Variants in PI16 observed in about 807,000 individuals in gnomAD.
PI16 encodes the protein PSP94-binding protein.
A neutral mutation model predicts 38.0 loss-of-function variants in PI16; 35 were observed. The ratio of observed to expected loss-of-function variants is 0.92; its 90% CI spans 0.70 to 1.22. PI16 has a LOEUF of 1.22. Ranked by LOEUF, PI16 falls within the 50% of genes most tolerant of loss-of-function variation. PI16 has a pLI of 0.00. For synonymous variants in PI16, 275 were observed against 252.9 expected (o/e 1.09, Z -0.83); for missense variants, 572 against 593.8 (o/e 0.96, Z 0.38).
At chr6:36,959,047 G>C (rs1763276065) in intron 1 of PI16, 98 bp from the exon 2 acceptor site, 1 of 1,060,164 alleles carries the variant, frequency 9.4e-7, no homozygotes, top group East Asian at 2.6e-5. Flanking sequence ...CTGCTAAGGA[G>C]GTGCCGGAAG....
intron 2 of PI16, among the ~76,000 whole-genome samples, chr6:36,959,786 T>C (rs755010907): frequency 6.6e-6 from 1 of 151,136 alleles, no homozygotes; most frequent in Non-Finnish European, 1.5e-5. Context: ...AAGGATCACT[T>C]CAGCCCAGGA....
chr6:36,950,305 T>C (rs1036550613), upstream of PI16, among the ~76,000 whole-genome samples: 26 of 152,356 alleles, frequency 1.7e-4, no homozygotes, highest in Admixed American at 1.5e-3. This position sits in a 1 kb window ranked among gnomAD's most constrained non-coding sequence, Gnocchi z 4.2. Flanking sequence ...TTTGTTCTTT[T>C]GTGTCTGGCT....
At chr6:36,952,945 C>A (rs1166757427), upstream of PI16, among the ~76,000 whole-genome samples, 1 of 152,108 alleles carries the variant, frequency 6.6e-6, no homozygotes, top group African/African-American at 2.4e-5. Context: ...GGATGACTTT[C>A]CATTTATTTG....
rs1472440437 is a variant in PI16 at position 36,960,650 on chromosome 6, CCT to C, written c.394-799_394-798del. ...CCCCTCCCTCTCCCTCCACCCCCCC[CCT>C]CCCTCTACCCCCACCCACTTGCTCC... On this transcript the variant is annotated intron_variant, in intron 2 of 6. Coordinates refer to ENST00000373674, the MANE Select transcript of PI16 (RefSeq NM_153370.3). Among the ~76,000 whole-genome samples, 29 of 144,966 alleles carry C rather than the reference CCT, an allele frequency of 2.0e-4. No homozygotes were observed. In the East Asian group the frequency reaches 2.8e-3, roughly 14 times the overall value.
chr6:36,958,368 A>T (rs948041044), intron 1 of PI16, among the ~76,000 whole-genome samples: 4 of 152,102 alleles, frequency 2.6e-5, no homozygotes, highest in African/African-American at 9.7e-5. Context: ...TCAGCCAGGG[A>T]CACAATCGCA....
rs770111668 is a variant in PI16 at position 36,959,231 on chromosome 6, C to T, written c.258C>T (p.Gly86=). 1.2e-6 allele frequency: 2 copies of T among 1,609,558 alleles called. No homozygotes were observed. Among genetic ancestry groups the T allele is most frequent in the African/African-American group, 1.3e-5 (1 of 75,018 alleles). ...ACAACAAGGAGCGCGGGCGCCGCGG[C>T]GAGAATCTGTTCGCCATCACAGACG... ...WGHNKERGRR[G]ENLFAITDEG... Residue 86 remains glycine (G), a synonymous_variant, in exon 2 of 7, where the codon GGC becomes GGT. Coordinates refer to ENST00000373674, the MANE Select transcript of PI16 (RefSeq NM_153370.3).
At chr6:36,954,571 C>T (rs1583229244), upstream of PI16, 11 of 808,654 alleles carry the variant, frequency 1.4e-5, no homozygotes, top group East Asian at 3.1e-4. Context: ...CCAAGGACTC[C>T]AAGGGGAGTG....
At chr6:36,954,579 G>A, upstream of PI16, 1 of 868,594 alleles carries the variant, frequency 1.2e-6, no homozygotes, top group South Asian at 1.9e-5. Flanking sequence ...TCCAAGGGGA[G>A]TGCACTTGAT....
intron 1 of PI16, among the ~76,000 whole-genome samples, chr6:36,955,911 T>C (rs951588819): frequency 2.6e-5 from 4 of 152,134 alleles, no homozygotes; most frequent in African/African-American, 7.2e-5. Context: ...TGAACTAGCT[T>C]GTCCCCTCCA....
intron 1 of PI16, among the ~76,000 whole-genome samples, chr6:36,949,113 TTC>T (rs912823422): frequency 4.1e-5 from 6 of 147,308 alleles, no homozygotes; most frequent in South Asian, 2.2e-4. Context: ...CTCTCCTCTC[TTC>T]TCTCTCTCTC....
In PI16 at chr6:36,948,856, G is replaced by A. The variant is rs555575933; in HGVS notation, c.-82+452G>A. On this transcript the variant is annotated intron_variant, in intron 1 of 7. Coordinates refer to the PI16 transcript ENST00000611814. ...GTCACCCGGGCTGGAGTGCAGTGGC[G>A]CGATCTCGGCTCACTGCAACCTCCG... Among the ~76,000 whole-genome samples, 984 of 150,956 alleles carry A rather than the reference G, an allele frequency of 6.5e-3. 7 individuals are homozygous for A. The highest frequency in any genetic ancestry group is 0.023 in the African/African-American group (944 of 41,092).
upstream of PI16, chr6:36,954,658 G>A (rs1763155413): frequency 2.7e-6 from 4 of 1,491,908 alleles, no homozygotes; most frequent in South Asian, 1.4e-5. Flanking sequence ...CCTCAAACAC[G>A]GCCCCCACTG....
rs1400742277 is a variant in PI16, at chr6:36,964,628, A to AG, written c.*264dup. ...TGAGTCCTGGGGGTGGGAGGATTTGAGGGAGCTCACTGCCTACCTGGCCTG... is the reference window on the plus strand; with the variant it reads ...TGAGTCCTGGGGGTGGGAGGATTTGAGGGGAGCTCACTGCCTACCTGGCCTG... On this transcript the variant is annotated 3_prime_UTR_variant, in exon 7 of 7. Transcript: ENST00000373674. 6.6e-6 allele frequency: 1 copy of AG among 152,476 alleles called. No individual in the cohort carries two copies. The highest frequency in any genetic ancestry group is 2.4e-5 in the African/African-American group (1 of 41,390). The allele number at this position is 152,476 out of a possible 1,614,324, so 9.4% of individuals were successfully genotyped here.
At chr6:36,953,577 T>TG (rs1763136456), upstream of PI16, among the ~76,000 whole-genome samples, 1 of 152,054 alleles carries the variant, frequency 6.6e-6, no homozygotes, top group South Asian at 2.1e-4. Flanking sequence ...TATTTTTACT[T>TG]GGAGACTCAG....
upstream of PI16, among the ~76,000 whole-genome samples, chr6:36,950,574 G>A (rs1035016276): frequency 6.0e-5 from 9 of 149,916 alleles, no homozygotes; most frequent in South Asian, 2.1e-4. The surrounding 1 kb of genome is among the most constrained non-coding windows in gnomAD (Gnocchi z 4.2). Context: ...ATGGAGTTTC[G>A]CTCTTGTCGC....
chr6:36,955,002 T>C, intron 1 of PI16, 71 bp downstream of exon 1: 3 of 1,521,256 alleles, frequency 2.0e-6, no homozygotes, highest in Non-Finnish European at 2.6e-6. Flanking sequence ...CCAGGCTCTC[T>C]TACCCTGCTC....
chr6:36,962,908 C>T lies in PI16; in HGVS notation c.593-27C>T. On this transcript the variant is annotated intron_variant, in intron 4 of 6. Coordinates refer to ENST00000373674, the MANE Select transcript of PI16 (RefSeq NM_153370.3). The surrounding 1 kb of genome is among the most constrained non-coding windows in gnomAD (Gnocchi z 4.1). ...GATGTGGGGTCCTGCTTGCAGCACT[C>T]ATGCCCGTTCTCGTCTGTCTTATCA... 6.3e-7 allele frequency: 1 copy of T among 1,579,118 alleles called. No homozygotes were observed. Among genetic ancestry groups the T allele is most frequent in the East Asian group, 2.2e-5 (1 of 44,528 alleles).
upstream of PI16, among the ~76,000 whole-genome samples, chr6:36,952,665 CT>C (rs1763118356): frequency 1.3e-5 from 2 of 152,082 alleles, no homozygotes; most frequent in South Asian, 4.1e-4. Flanking sequence ...AAATGTCTGT[CT>C]TTATACTAAT....
Position 36,961,916 on chromosome 6 carries a change from G to A in PI16, c.534G>A (p.Gln178=). The change falls in exon 4 of 7, where the codon CAG becomes CAA. Residue 178 remains glutamine (Q), a synonymous_variant. Coordinates refer to ENST00000373674, the MANE Select transcript of PI16 (RefSeq NM_153370.3). ...PGNVKGKRPY[Q]EGTPCSQCPS... ...ACGTGAAGGGGAAACGGCCCTACCA[G>A]GAGGGGACTCCGTGCTCCCAATGTC... is the stretch of plus-strand genomic sequence containing the variant. The A allele has an allele frequency of 6.2e-7, 1 of 1,614,162 alleles. No individual in the cohort carries two copies. The highest frequency in any genetic ancestry group is 1.3e-5 in the African/African-American group (1 of 75,048).
Sources: gnomAD v4.1 joint callset for allele counts (sites outside exome capture counted in the v4.1 genomes callset) on GRCh38, gnomAD v4.1.1 for gene constraint, Gnocchi (gnomAD v3.1) non-coding constraint, MANE v1.5 for transcripts, NCBI Gene and HGNC (gene_info 2026-07-23, HGNC 2026-07-21) for gene names.